The following FRK variants were observed in gnomAD, a reference collection of about 807,000 sequenced individuals.
The protein encoded by FRK is tyrosine-protein kinase FRK.
A neutral mutation model predicts 56.4 loss-of-function variants in FRK; 51 were observed. That is an observed-to-expected ratio of 0.90 (90% CI 0.72 to 1.14). The LOEUF is 1.14. Ranked by LOEUF, FRK falls within the 50% of genes most tolerant of loss-of-function variation. The pLI is 0.00. For missense variants in FRK, 570 were observed against 601.4 expected (o/e 0.95, Z 0.55); for synonymous variants, 245 against 217.9 (o/e 1.12, Z -1.10).
At chr6:116,061,990 AAAAGAAAGAAAGAAGG>A (rs1777641998), upstream of FRK, among the ~76,000 whole-genome samples, 2 of 148,818 alleles carry the variant, frequency 1.3e-5, no homozygotes, top group South Asian at 4.2e-4. Context: ...AAAAAGAAAG[AAAAGAAAGAAAGAAGG>A]AAAGAAAGAA....
rs1771980546 is a variant in FRK, at chr6:115,932,846, G to C, written c.*9568C>G. On this transcript the variant is annotated 3_prime_UTR_variant, in exon 8 of 8. Transcript: ENST00000606080. ...AGTCGGAAGAGTTTGGGCCCCTCCT[G>C]GTTCATTAGATCCACATGGTCATCA... 6.6e-6 allele frequency: 1 copy of C among 152,306 alleles called. No individual in the cohort carries two copies. Among genetic ancestry groups the C allele is most frequent in the East Asian group, 1.9e-4 (1 of 5,170 alleles). 9.4% of individuals were successfully genotyped at this position (152,306 alleles called of 1,614,324 possible).
rs552878231 is a variant in FRK, at chr6:115,940,953, G to T, written c.*1461C>A. 6.6e-6 allele frequency: 1 copy of T among 152,268 alleles called. No individual in the cohort carries two copies. Among genetic ancestry groups the T allele is most frequent in the South Asian group, 2.1e-4 (1 of 4,822 alleles). 9.4% of individuals were successfully genotyped at this position (152,268 alleles called of 1,614,324 possible). A position where few individuals can be genotyped will look rare whatever the true frequency, so the allele number is the denominator to read the frequency against. ...GAGGACAGTGTAGCAATTCCTCAAG[G>T]ATCTAGAACTAGAAATACCATTTGA... On this transcript the variant is annotated 3_prime_UTR_variant, in exon 8 of 8. Transcript: ENST00000606080.
intron 2 of FRK, among the ~76,000 whole-genome samples, chr6:115,971,120 T>A (rs1773791263): frequency 6.6e-6 from 1 of 152,206 alleles, no homozygotes; most frequent in Non-Finnish European, 1.5e-5. Context: ...AGAATACTTT[T>A]AAAATGTCAG....
At chr6:116,007,438 C>A (rs896718711) in intron 1 of FRK, among the ~76,000 whole-genome samples, 1 of 152,120 alleles carries the variant, frequency 6.6e-6, no homozygotes, top group Non-Finnish European at 1.5e-5. Context: ...TGAAATTGAG[C>A]CAAACTTCTA....
chr6:115,984,869 A>G (rs972889415), intron 2 of FRK, among the ~76,000 whole-genome samples: 1 of 152,042 alleles, frequency 6.6e-6, no homozygotes, highest in African/African-American at 2.4e-5. Flanking sequence ...CGATTTGGTG[A>G]TAATTTAGAG....
chr6:116,075,602 T>G, the FRK span, among the ~76,000 whole-genome samples: 2 of 152,258 alleles, frequency 1.3e-5, no homozygotes, highest in Admixed American at 6.5e-5. Flanking sequence ...ACGCTCTTCA[T>G]TGGGGTTCTT....
chr6:115,940,315 T>C lies in FRK; in HGVS notation c.*2099A>G, dbSNP rs1296382983. ...AAACTGGACCCCTTCCTTACACCTATACAAAAATTAACTCAAGATGGATTA... is the reference window on the plus strand; with the variant it reads ...AAACTGGACCCCTTCCTTACACCTACACAAAAATTAACTCAAGATGGATTA... On this transcript the variant is annotated 3_prime_UTR_variant, in exon 8 of 8. Transcript: ENST00000606080. The C allele has an allele frequency of 6.6e-6, 1 of 152,160 alleles. No individual in the cohort carries two copies. The highest frequency in any genetic ancestry group is 1.5e-5 in the Non-Finnish European group (1 of 68,040). 9.4% of individuals were successfully genotyped at this position (152,160 alleles called of 1,614,324 possible).
At position 115,950,257 on chromosome 6, in the gene FRK, G is replaced by A. The variant is rs181935198; in HGVS notation, c.959-5832C>T. Among the ~76,000 whole-genome samples, 362 of 152,230 alleles carry A rather than the reference G, an allele frequency of 2.4e-3. 6 individuals are homozygous for A. Among genetic ancestry groups the A allele is most frequent in the Non-Finnish European group, 6.0e-4 (41 of 68,016 alleles). On this transcript the variant is annotated intron_variant, in intron 5 of 7. Coordinates refer to ENST00000606080, the MANE Select transcript of FRK (RefSeq NM_002031.3). ...AGAGTGAACAGGGAACATTCAGAAT[G>A]GGAGAAAATTTTTGCAATCTATCCA...
At chr6:116,095,667 T>A in the FRK span, among the ~76,000 whole-genome samples, 1 of 152,160 alleles carries the variant, frequency 6.6e-6, no homozygotes, top group Non-Finnish European at 1.5e-5. Context: ...TACTTCATGA[T>A]CCTACTACCA....
At chr6:116,058,451 A>G (rs925985231) in intron 1 of FRK, among the ~76,000 whole-genome samples, 16 of 152,202 alleles carry the variant, frequency 1.1e-4, no homozygotes, top group Non-Finnish European at 1.8e-4. Flanking sequence ...ACCTCCCTTC[A>G]TATGTGATGT....
intron 5 of FRK, among the ~76,000 whole-genome samples, chr6:115,952,027 GTTGT>G (rs1449756972): frequency 2.6e-5 from 4 of 151,998 alleles, no homozygotes; most frequent in South Asian, 2.1e-4. Flanking sequence ...TTTTGGTGGG[GTTGT>G]TTGTTTTTTT....
chr6:116,095,462 G>A, the FRK span, among the ~76,000 whole-genome samples: 3 of 152,120 alleles, frequency 2.0e-5, no homozygotes, highest in Non-Finnish European at 4.4e-5. Context: ...AACTTACAAG[G>A]TTTTCAACAA....
chr6:115,988,981 A>G (rs886100685), intron 2 of FRK, among the ~76,000 whole-genome samples: 5 of 151,900 alleles, frequency 3.3e-5, no homozygotes, highest in African/African-American at 9.7e-5. Context: ...TTTCCTGTTC[A>G]ATCCAAAACC....
chr6:116,088,739 A>G, the FRK span, among the ~76,000 whole-genome samples: 6 of 152,352 alleles, frequency 3.9e-5, no homozygotes, highest in South Asian at 2.1e-4. Flanking sequence ...GACAAATTCA[A>G]TAATAATTTA....
intron 1 of FRK, among the ~76,000 whole-genome samples, chr6:116,004,267 A>C (rs1236307895): frequency 6.6e-6 from 1 of 152,080 alleles, no homozygotes; most frequent in Non-Finnish European, 1.5e-5. Flanking sequence ...TCTGTCTGAG[A>C]GGTCCTGAGC....
At chr6:116,087,264 T>A in the FRK span, among the ~76,000 whole-genome samples, 2 of 152,194 alleles carry the variant, frequency 1.3e-5, no homozygotes, top group Non-Finnish European at 2.9e-5. Flanking sequence ...TCAATAAACA[T>A]TTGCTAAACT....
chr6:116,061,633 G>A (rs2114844174), upstream of FRK, among the ~76,000 whole-genome samples: 1 of 152,280 alleles, frequency 6.6e-6, no homozygotes, highest in South Asian at 2.1e-4. Context: ...GTTTTTGCTT[G>A]ACCTTCCCTA....
intron 1 of FRK, among the ~76,000 whole-genome samples, chr6:116,053,389 A>G (rs1777251816): frequency 6.6e-6 from 1 of 152,166 alleles, no homozygotes; most frequent in Non-Finnish European, 1.5e-5. Context: ...CCTCAAGAAC[A>G]ATGAAAGTGC....
the FRK span, among the ~76,000 whole-genome samples, chr6:116,081,411 C>T: frequency 1.3e-5 from 2 of 152,148 alleles, no homozygotes; most frequent in African/African-American, 4.8e-5. Context: ...AATCCCAGCA[C>T]TTTGGGAGGC....
Sources: gnomAD v4.1 joint callset for allele counts (sites outside exome capture counted in the v4.1 genomes callset) on GRCh38, gnomAD v4.1.1 for gene constraint, MANE v1.5 for transcripts, NCBI Gene and HGNC (gene_info 2026-07-23, HGNC 2026-07-21) for gene names.